The following ZNF704 variants were observed in gnomAD, a reference collection of about 807,000 sequenced individuals.
ZNF704 encodes glucocorticoid induced gene 1.
A neutral mutation model predicts 44.7 loss-of-function variants in ZNF704; 10 were observed. The ratio of observed to expected loss-of-function variants is 0.22; its 90% CI spans 0.14 to 0.38. ZNF704 has a LOEUF of 0.38. Among genes scored for constraint, ZNF704 ranks in the 10% least tolerant of loss-of-function variants. The pLI is 1.00. For synonymous variants in ZNF704, 211 were observed against 207.6 expected (o/e 1.02, Z -0.14); for missense variants, 390 against 545.5 (o/e 0.71, Z 2.84).
chr8:80,660,470 C>CAA (rs139254906), intron 6 of ZNF704, among the ~76,000 whole-genome samples: 20 of 76,948 alleles, frequency 2.6e-4, no homozygotes, highest in South Asian at 4.8e-4. Context: ...AATCTTGTCT[C>CAA]AAAAAAAAAA....
chr8:80,855,756 C>G (rs1028361177), intron 1 of ZNF704, among the ~76,000 whole-genome samples: 1 of 152,052 alleles, frequency 6.6e-6, no homozygotes, highest in African/African-American at 2.4e-5. Flanking sequence ...TACAATTGTA[C>G]CCCCATACAT....
At chr8:80,767,881 A>G (rs1807254454) in intron 2 of ZNF704, among the ~76,000 whole-genome samples, 2 of 152,158 alleles carry the variant, frequency 1.3e-5, no homozygotes, top group Non-Finnish European at 1.5e-5. Context: ...TGCAGTACAC[A>G]TTTTAAGAAT....
chr8:80,756,076 T>A (rs910576266), intron 2 of ZNF704, among the ~76,000 whole-genome samples: 1 of 150,814 alleles, frequency 6.6e-6, no homozygotes, highest in African/African-American at 2.5e-5. Context: ...GCCACTGCAC[T>A]CCAGCCTGTG....
At chr8:80,824,599 A>G (rs1808339467) in intron 1 of ZNF704, among the ~76,000 whole-genome samples, 1 of 152,226 alleles carries the variant, frequency 6.6e-6, no homozygotes, top group Admixed American at 6.5e-5. Context: ...CCTTGAGAAG[A>G]GCAACTCCAA....
At chr8:80,870,313 GGC>G (rs972262926) in intron 1 of ZNF704, among the ~76,000 whole-genome samples, 19 of 152,074 alleles carry the variant, frequency 1.2e-4, no homozygotes, top group African/African-American at 4.6e-4. Context: ...AAAAAACCTA[GGC>G]CATAGGCCTT....
intron 2 of ZNF704, among the ~76,000 whole-genome samples, chr8:80,784,030 T>C (rs1157894152): frequency 6.6e-6 from 1 of 152,202 alleles, no homozygotes; most frequent in Non-Finnish European, 1.5e-5. Flanking sequence ...GCATTTAAGC[T>C]TCTTCCATAT....
intron 7 of ZNF704, among the ~76,000 whole-genome samples, chr8:80,646,082 A>G (rs1432461067): frequency 1.3e-5 from 2 of 152,170 alleles, no homozygotes; most frequent in South Asian, 2.1e-4. Flanking sequence ...TTGATGTTGG[A>G]CTTCCCCGCC....
chr8:80,656,390 G>A (rs1048307055), intron 7 of ZNF704, among the ~76,000 whole-genome samples: 1 of 152,188 alleles, frequency 6.6e-6, no homozygotes, highest in Non-Finnish European at 1.5e-5. Context: ...GATTAATAAA[G>A]GGGCCAACGG....
chr8:80,694,579 A>T (rs1818696246), intron 2 of ZNF704, among the ~76,000 whole-genome samples: 1 of 152,236 alleles, frequency 6.6e-6, no homozygotes, highest in Admixed American at 6.5e-5. Flanking sequence ...TTGTAAAAGC[A>T]ATGAACTCTT....
chr8:80,653,548 A>T (rs1001053827), intron 7 of ZNF704, among the ~76,000 whole-genome samples: 1 of 148,646 alleles, frequency 6.7e-6, no homozygotes, highest in Non-Finnish European at 1.5e-5. Flanking sequence ...AACCAATAAC[A>T]GACAAACAGA....
chr8:80,803,788 C>A (rs535683231), intron 2 of ZNF704, among the ~76,000 whole-genome samples: 3 of 152,124 alleles, frequency 2.0e-5, no homozygotes, highest in South Asian at 4.2e-4. Context: ...GACTTCATGG[C>A]GAAAACACCA....
intron 2 of ZNF704, among the ~76,000 whole-genome samples, chr8:80,793,708 T>C (rs1302511807): frequency 6.6e-6 from 1 of 152,060 alleles, no homozygotes; most frequent in Non-Finnish European, 1.5e-5. Context: ...TTCATTATAA[T>C]AAAAACAATT....
the ZNF704 span, among the ~76,000 whole-genome samples, chr8:80,880,365 G>GA: frequency 2.0e-5 from 3 of 152,062 alleles, no homozygotes; most frequent in Non-Finnish European, 4.4e-5. Flanking sequence ...GTATTGAGCA[G>GA]AAAAAGAACA....
intron 2 of ZNF704, among the ~76,000 whole-genome samples, chr8:80,748,749 G>C (rs1465411602): frequency 6.6e-6 from 1 of 152,118 alleles, no homozygotes; most frequent in Non-Finnish European, 1.5e-5. Context: ...CTTAGAGTCG[G>C]AAAGACACCA....
chr8:80,757,820 T>C (rs1807062444), intron 2 of ZNF704, among the ~76,000 whole-genome samples: 1 of 152,236 alleles, frequency 6.6e-6, no homozygotes, highest in South Asian at 2.1e-4. Context: ...CTGTACAAGT[T>C]TGTAGCCTGG....
chr8:80,755,365 G>T (rs1178878535), intron 2 of ZNF704, among the ~76,000 whole-genome samples: 2 of 152,198 alleles, frequency 1.3e-5, no homozygotes, highest in Non-Finnish European at 1.5e-5. Flanking sequence ...TGAGGCAGGA[G>T]AATTGCTTGA....
At position 80,641,329 on chromosome 8, in the gene ZNF704, C is replaced by G; in HGVS notation, c.*37G>C. On this transcript the variant is annotated 3_prime_UTR_variant, in exon 9 of 9. Transcript: ENST00000327835. ...CTGCAGTGGCAGGCCAGGGCAGGAG[C>G]GGCTCAGGGCCCTGAGCCCCTCTGC... 5.2e-6 allele frequency: 7 copies of G among 1,337,892 alleles called. No individual in the cohort carries two copies. Among genetic ancestry groups the G allele is most frequent in the Non-Finnish European group, 5.1e-6 (5 of 975,684 alleles). The allele number at this position is 1,337,892 out of a possible 1,614,324, so 82.9% of individuals were successfully genotyped here.
chr8:80,720,718 C>G lies in ZNF704; in HGVS notation c.222-27611G>C, dbSNP rs1819150250. Among the ~76,000 whole-genome samples the G allele has an allele frequency of 2.0e-5, 3 of 152,244 alleles. No individual in the cohort carries two copies. In the South Asian group the frequency reaches 6.2e-4, roughly 31 times the overall value. ...GTAAAGAAGGAAATACCACAAAGAA[C>G]TGTATTCCCACAGCCCTCACCTCAT... On this transcript the variant is annotated intron_variant, in intron 2 of 8. Coordinates refer to ENST00000327835, the MANE Select transcript of ZNF704 (RefSeq NM_001033723.3).
intron 1 of ZNF704, among the ~76,000 whole-genome samples, chr8:80,828,835 A>AT (rs1323003128): frequency 6.6e-6 from 1 of 152,176 alleles, no homozygotes; most frequent in Non-Finnish European, 1.5e-5. Context: ...CTGCCCCAAC[A>AT]TGAGACTTTC....
Sources: allele counts gnomAD v4.1 joint callset (sites outside exome capture counted in the v4.1 genomes callset), GRCh38; gene constraint gnomAD v4.1.1; transcripts MANE v1.5; gene names NCBI Gene and HGNC (gene_info 2026-07-23, HGNC 2026-07-21).